SLC26A2: variants seen among roughly 807,000 people sequenced by gnomAD.
SLC26A2 encodes solute carrier family 26 member 2.
SLC26A2 carries 36 observed loss-of-function variants against 41.1 expected under a neutral mutation model. The observed-to-expected ratio is 0.88, with a 90% CI of 0.67 to 1.16. SLC26A2 has a LOEUF of 1.16. SLC26A2 is among the 50% of genes most tolerant of loss of function. The probability of loss-of-function intolerance (pLI) is 0.00; values close to 1 mark genes in which losing one functional copy is unlikely to be tolerated. For synonymous variants in SLC26A2, 291 were observed against 311.6 expected (o/e 0.93, Z 0.70); for missense variants, 796 against 869.6 (o/e 0.92, Z 1.07).
rs764256352 is a variant in SLC26A2, at chr5:149,981,625, G to C, written c.2032G>C (p.Gly678Arg). ...KEVRRDYEAI[G>R]IQVLLAQCNP... is the part of the protein sequence containing the mutation. The stretch of plus-strand genomic sequence containing the variant: ...AGTTCGCAGAGATTATGAAGCCATT[G>C]GAATCCAGGTTCTGCTGGCTCAGTG... The change falls in exon 3 of 3, where the codon GGA becomes CGA. Residue 678 changes from glycine (G) to arginine (R), a missense_variant. Gly to Arg is a moderately radical substitution (Grantham distance 125, BLOSUM62 -2). Coordinates refer to ENST00000286298, the MANE Select transcript of SLC26A2 (RefSeq NM_000112.4). 1.3e-5 allele frequency: 21 copies of C among 1,613,980 alleles called. No homozygotes were observed. The highest frequency in any genetic ancestry group is 1.7e-5 in the Non-Finnish European group (20 of 1,180,006).
intron 1 of SLC26A2, among the ~76,000 whole-genome samples, chr5:149,974,450 G>A (rs1754957581): frequency 1.3e-5 from 2 of 150,954 alleles, no homozygotes; most frequent in Admixed American, 6.6e-5. Context: ...TTGAGACAGA[G>A]TTTTGCTTTG....
chr5:149,973,567 A>G (rs1346350390), intron 1 of SLC26A2, among the ~76,000 whole-genome samples: 1 of 150,582 alleles, frequency 6.6e-6, no homozygotes. Context: ...CCCCCCACAT[A>G]TATATGGTGC....
intron 1 of SLC26A2, among the ~76,000 whole-genome samples, chr5:149,964,720 T>C (rs1169613993): frequency 1.3e-5 from 2 of 151,800 alleles, no homozygotes. Flanking sequence ...GAGCTTGCAG[T>C]GAGCCAAGAT....
At chr5:149,979,389 T>C (rs949597073) in intron 2 of SLC26A2, among the ~76,000 whole-genome samples, 1 of 152,166 alleles carries the variant, frequency 6.6e-6, no homozygotes, top group Non-Finnish European at 1.5e-5. Context: ...TCATATATAA[T>C]GGTAAATAAT....
rs1379007627 is a variant in SLC26A2, at chr5:149,986,014, T to G, written c.*4201T>G. On this transcript the variant is annotated 3_prime_UTR_variant, in exon 3 of 3. Coordinates refer to ENST00000286298, the MANE Select transcript of SLC26A2 (RefSeq NM_000112.4). ...TTGACAGGATTTAGATTTTGCTTAG[T>G]TTTTCTGCTTTTTAATGTTTCTATC... 6.6e-6 allele frequency: 1 copy of G among 152,192 alleles called. No individual in the cohort carries two copies. Among genetic ancestry groups the G allele is most frequent in the Non-Finnish European group, 1.5e-5 (1 of 68,030 alleles). The allele number at this position is 152,192 out of a possible 1,614,324, so 9.4% of individuals were successfully genotyped here. A position where few individuals can be genotyped will look rare whatever the true frequency, so the allele number is the denominator to read the frequency against.
rs773000413 is a variant in SLC26A2, at chr5:149,977,962, C to T, written c.310C>T (p.Leu104=). The change falls in exon 2 of 3, where the codon CTA becomes TTA. Residue 104 remains leucine, a synonymous_variant. Coordinates refer to ENST00000286298, the MANE Select transcript of SLC26A2 (RefSeq NM_000112.4). ...PVLQWLPKYD[L]KKNILGDVMS... ...TTTGCAGTGGCTCCCAAAATACGAC[C>T]TAAAGAAAAACATTTTAGGGGATGT... 1.9e-6 allele frequency: 3 copies of T among 1,614,182 alleles called. No homozygotes were observed. The highest frequency in any genetic ancestry group is 2.5e-6 in the Non-Finnish European group (3 of 1,180,022).
chr5:149,982,225 G>A lies in SLC26A2; in HGVS notation c.*412G>A. The A allele has an allele frequency of 6.0e-6, 1 of 167,314 alleles. No individual in the cohort carries two copies. Among genetic ancestry groups the A allele is most frequent in the East Asian group, 1.7e-4 (1 of 5,886 alleles). The allele number at this position is 167,314 out of a possible 1,614,324, so 10.4% of individuals were successfully genotyped here. A position where few individuals can be genotyped will look rare whatever the true frequency, so the allele number is the denominator to read the frequency against. ...TTCTTTATGTGGCTCAGTGGAGAGA[G>A]GGAAAGAATGTTGCACCTGCTCTAG... is the stretch of plus-strand genomic sequence containing the variant. On this transcript the variant is annotated 3_prime_UTR_variant, in exon 3 of 3. Coordinates refer to ENST00000286298, the MANE Select transcript of SLC26A2 (RefSeq NM_000112.4).
At chr5:149,975,610 T>C (rs1485745983) in intron 1 of SLC26A2, among the ~76,000 whole-genome samples, 2 of 152,220 alleles carry the variant, frequency 1.3e-5, no homozygotes, top group East Asian at 1.9e-4. Flanking sequence ...ATCAACCTGA[T>C]TGATTTTCTC....
At chr5:149,979,690 A>G (rs963700280) in intron 2 of SLC26A2, among the ~76,000 whole-genome samples, 5 of 151,960 alleles carry the variant, frequency 3.3e-5, no homozygotes, top group Non-Finnish European at 7.4e-5. Context: ...GTACATATAT[A>G]CTGCATGAGA....
chr5:149,970,309 A>T (rs972429276), intron 1 of SLC26A2, among the ~76,000 whole-genome samples: 2 of 152,104 alleles, frequency 1.3e-5, no homozygotes, highest in African/African-American at 4.8e-5. Flanking sequence ...GGAGTTCGAG[A>T]CCAGCCTGGG....
Position 149,986,324 on chromosome 5 carries a change from G to C in SLC26A2, c.*4511G>C, listed in dbSNP as rs1165283198. On this transcript the variant is annotated 3_prime_UTR_variant, in exon 3 of 3. Coordinates refer to ENST00000286298, the MANE Select transcript of SLC26A2 (RefSeq NM_000112.4). The stretch of plus-strand genomic sequence containing the variant: ...TAATCCTGAATGCAATCATTAACTT[G>C]GTTGCTAATTACAAGAATGAAAATT... The C allele has an allele frequency of 1.3e-5, 2 of 151,812 alleles. No homozygotes were observed. The highest frequency in any genetic ancestry group is 4.8e-5 in the African/African-American group (2 of 41,342). The allele number at this position is 151,812 out of a possible 1,614,324, so 9.4% of individuals were successfully genotyped here.
In SLC26A2 at chr5:149,983,703, A is replaced by T. The variant is rs1478548142; in HGVS notation, c.*1890A>T. 6.7e-6 allele frequency: 1 copy of T among 150,294 alleles called. No individual in the cohort carries two copies. Among genetic ancestry groups the T allele is most frequent in the African/African-American group, 2.5e-5 (1 of 39,660 alleles). The allele number at this position is 150,294 out of a possible 1,614,324, so 9.3% of individuals were successfully genotyped here. ...GTTATCCTTCCATTTTGGCCTCCTG[A>T]GTAGCTAGACCATAGGTATGCATCA... On this transcript the variant is annotated 3_prime_UTR_variant, in exon 3 of 3. Coordinates refer to ENST00000286298, the MANE Select transcript of SLC26A2 (RefSeq NM_000112.4).
rs753490868 is a variant in SLC26A2, at chr5:149,981,249, A to G, written c.1656A>G (p.Ser552=). The change falls in exon 3 of 3, where the codon TCA becomes TCG. Residue 552 remains serine, a synonymous_variant. Transcript: ENST00000286298. ...VILRTQKPKS[S]LLGLVEESEV... ...TCCGCACTCAGAAGCCAAAGAGTTC[A>G]CTGCTTGGCTTGGTGGAAGAGTCTG... 8.7e-6 allele frequency: 14 copies of G among 1,614,180 alleles called. No homozygotes were observed. The highest frequency in any genetic ancestry group is 1.2e-5 in the Non-Finnish European group (14 of 1,180,008).
At position 149,981,255 on chromosome 5, in the gene SLC26A2, T is replaced by A. The variant is rs768444089; in HGVS notation, c.1662T>A (p.Leu554=). The A allele has an allele frequency of 6.2e-7, 1 of 1,614,184 alleles. No homozygotes were observed. Among genetic ancestry groups the A allele is most frequent in the Non-Finnish European group, 8.5e-7 (1 of 1,180,014 alleles). The part of the protein sequence containing the change: ...LRTQKPKSSL[L]GLVEESEVFE... ...CTCAGAAGCCAAAGAGTTCACTGCT[T>A]GGCTTGGTGGAAGAGTCTGAGGTCT... Residue 554 remains leucine (L), a synonymous_variant, in exon 3 of 3, where the codon CTT becomes CTA. Transcript: ENST00000286298.
In SLC26A2 at chr5:149,977,703, T is replaced by G. The variant is rs369248348; in HGVS notation, c.51T>G (p.Ala17=). 2 of 1,614,018 alleles carry G rather than the reference T, an allele frequency of 1.2e-6. No individual in the cohort carries two copies. Among genetic ancestry groups the G allele is most frequent in the African/African-American group, 1.3e-5 (1 of 74,922 alleles). ...EQHNVSPRDS[A]EGNDSYPSGI... ...ATAACGTTTCACCCAGAGACTCAGC[T>G]GAAGGAAATGACAGTTATCCATCTG... Residue 17 remains alanine (A), a synonymous_variant, in exon 2 of 3, where the codon GCT becomes GCG. Transcript: ENST00000286298.
In SLC26A2 at chr5:149,982,074, G is replaced by A. The variant is rs1245012397; in HGVS notation, c.*261G>A. ...TCTTGGAATGCAATAAGTATGTATT[G>A]AACTGTACTGTAAAGTAGCTCCAAA... On this transcript the variant is annotated 3_prime_UTR_variant, in exon 3 of 3. Transcript: ENST00000286298. The A allele has an allele frequency of 1.1e-5, 5 of 461,726 alleles. No homozygotes were observed. The highest frequency in any genetic ancestry group is 9.8e-5 in the African/African-American group (5 of 51,048). The allele number at this position is 461,726 out of a possible 1,614,324, so 28.6% of individuals were successfully genotyped here.
chr5:149,986,158 G>A lies in SLC26A2; in HGVS notation c.*4345G>A, dbSNP rs750597567. 2.6e-5 allele frequency: 4 copies of A among 152,152 alleles called. No individual in the cohort carries two copies. The highest frequency in any genetic ancestry group is 5.9e-5 in the Non-Finnish European group (4 of 68,034). The allele number at this position is 152,152 out of a possible 1,614,324, so 9.4% of individuals were successfully genotyped here. On this transcript the variant is annotated 3_prime_UTR_variant, in exon 3 of 3. Transcript: ENST00000286298. The stretch of plus-strand genomic sequence containing the variant: ...GTTAGATCATTGAGTGGTGTTGAGA[G>A]TGAAGTTTCACTAGCAGGGAAGTTT...
chr5:149,967,160 C>T (rs1028719178), intron 1 of SLC26A2, among the ~76,000 whole-genome samples: 2 of 152,142 alleles, frequency 1.3e-5, no homozygotes, highest in Admixed American at 6.5e-5. Flanking sequence ...GAGACTGTGT[C>T]TCTTAAAGAA....
chr5:149,981,493 G>A lies in SLC26A2; in HGVS notation c.1900G>A (p.Glu634Lys), dbSNP rs1581232513. 1 of 1,614,152 alleles carries A rather than the reference G, an allele frequency of 6.2e-7. No homozygotes were observed. Among genetic ancestry groups the A allele is most frequent in the Non-Finnish European group, 8.5e-7 (1 of 1,179,996 alleles). ...AGTGACTCTTGGTGGAATCCAGGAT[G>A]AAATGTCAGTGCAACTTTCCCATGA... ...KVVTLGGIQD[E>K]MSVQLSHDPL... The change falls in exon 3 of 3, where the codon GAA becomes AAA. Residue 634 changes from glutamate (E) to lysine (K), a missense_variant. Glu to Lys is a moderately conservative substitution (Grantham distance 56). Coordinates refer to ENST00000286298, the MANE Select transcript of SLC26A2 (RefSeq NM_000112.4).
Sources: allele counts gnomAD v4.1 joint callset (sites outside exome capture counted in the v4.1 genomes callset), GRCh38; gene constraint gnomAD v4.1.1; transcripts MANE v1.5; gene names NCBI Gene and HGNC (gene_info 2026-07-23, HGNC 2026-07-21).